SDK1: variants seen among roughly 807,000 people sequenced by gnomAD.
SDK1 encodes protein sidekick-1.
A neutral mutation model predicts 245.5 loss-of-function variants in SDK1; 157 were observed. The ratio of observed to expected loss-of-function variants is 0.64; its 90% CI spans 0.56 to 0.73. The LOEUF (loss-of-function observed/expected upper bound fraction) is 0.73. Ranked by LOEUF, SDK1 falls within the 30% of genes least tolerant of loss-of-function variation. The pLI, the probability that SDK1 is intolerant of heterozygous loss-of-function variation, is 0.00. For synonymous variants in SDK1, 1,647 were observed against 1,278.5 expected (o/e 1.29, Z -6.15); for missense variants, 3,583 against 3,002.3 (o/e 1.19, Z -4.52).
At position 3,606,355 on chromosome 7, in the gene SDK1, G is replaced by A. The variant is rs78717333; in HGVS notation, c.299-12725G>A. Among the ~76,000 whole-genome samples the A allele has an allele frequency of 2.2e-3, 338 of 152,274 alleles. 7 individuals carry two copies. The East Asian group carries it at 0.054, about 24-fold the overall frequency. On this transcript the variant is annotated intron_variant, in intron 1 of 44. Transcript: ENST00000404826. Reference sequence around the variant, plus strand: ...AAGATGGCCTCCTGAGTGGTCTCCCGGCTTCAGCACTTGTAGCCCAGTTGC... The same window carrying A: ...AAGATGGCCTCCTGAGTGGTCTCCCAGCTTCAGCACTTGTAGCCCAGTTGC...
chr7:3,990,036 G>C (rs1784177146), intron 14 of SDK1, among the ~76,000 whole-genome samples: 1 of 152,252 alleles, frequency 6.6e-6, no homozygotes, highest in African/African-American at 2.4e-5. Context: ...GAAGCAGAGT[G>C]TGCTGTCCTG....
chr7:3,544,867 G>C (rs902000415), intron 1 of SDK1, among the ~76,000 whole-genome samples: 1 of 152,196 alleles, frequency 6.6e-6, no homozygotes, highest in African/African-American at 2.4e-5. Flanking sequence ...CAGGGACTCA[G>C]GCTGATGGAG....
chr7:4,029,207 ATTCT>A (rs1357035260), intron 17 of SDK1, among the ~76,000 whole-genome samples: 6 of 104,590 alleles, frequency 5.7e-5, no homozygotes, highest in Admixed American at 4.2e-4. Flanking sequence ...TCTTTCTTTT[ATTCT>A]TTCTTTTTTT....
intron 1 of SDK1, among the ~76,000 whole-genome samples, chr7:3,558,434 C>T (rs1015548595): frequency 6.6e-6 from 1 of 152,234 alleles, no homozygotes; most frequent in South Asian, 2.1e-4. Flanking sequence ...AAGGAAATAA[C>T]TTCTGTATTC....
chr7:3,666,722 A>T (rs996468929), intron 4 of SDK1, among the ~76,000 whole-genome samples: 1 of 152,188 alleles, frequency 6.6e-6, no homozygotes, highest in Non-Finnish European at 1.5e-5. Context: ...TTTTCTTTTC[A>T]TAATTACCTG....
At chr7:4,081,242 T>C (rs1781038047) in intron 22 of SDK1, among the ~76,000 whole-genome samples, 1 of 152,098 alleles carries the variant, frequency 6.6e-6, no homozygotes, top group South Asian at 2.1e-4. Flanking sequence ...TGGATGACGC[T>C]CCTTTGGCCC....
At chr7:3,434,898 G>A (rs916678657) in intron 1 of SDK1, among the ~76,000 whole-genome samples, 3 of 152,140 alleles carry the variant, frequency 2.0e-5, no homozygotes, top group Non-Finnish European at 4.4e-5. Context: ...CCATTTCATC[G>A]CAGTGTTTAT....
At chr7:3,414,080 G>A (rs1016732618) in intron 1 of SDK1, among the ~76,000 whole-genome samples, 1 of 152,194 alleles carries the variant, frequency 6.6e-6, no homozygotes, top group Admixed American at 6.5e-5. Context: ...GGCAGCAGCA[G>A]AGATAGCTAT....
chr7:4,159,927 G>A (rs1781007647), intron 31 of SDK1, among the ~76,000 whole-genome samples: 1 of 152,188 alleles, frequency 6.6e-6, no homozygotes, highest in Admixed American at 6.5e-5. Context: ...GGACTGATGA[G>A]TAACCTAGAA....
chr7:3,610,431 C>G (rs1222038124), intron 1 of SDK1, among the ~76,000 whole-genome samples: 2 of 152,160 alleles, frequency 1.3e-5, no homozygotes, highest in African/African-American at 4.8e-5. Flanking sequence ...GTTGGTCATA[C>G]TTTTTCACTA....
intron 32 of SDK1, among the ~76,000 whole-genome samples, chr7:4,172,925 T>C (rs1781941169): frequency 6.6e-6 from 1 of 152,226 alleles, no homozygotes; most frequent in African/African-American, 2.4e-5. Context: ...TATGACCTTG[T>C]CAAAACCAAT....
At chr7:4,187,260 T>C (rs1264495888) in intron 35 of SDK1, among the ~76,000 whole-genome samples, 2 of 152,182 alleles carry the variant, frequency 1.3e-5, no homozygotes, top group Non-Finnish European at 2.9e-5. Context: ...ATTATTACCA[T>C]TATTTTCCAT....
intron 7 of SDK1, among the ~76,000 whole-genome samples, chr7:3,952,479 A>G (rs1198607728): frequency 6.6e-6 from 1 of 152,142 alleles, no homozygotes; most frequent in Non-Finnish European, 1.5e-5. Flanking sequence ...GCCACTCGGG[A>G]GGCGGAGGCA....
At chr7:3,506,069 C>T (rs1782382183) in intron 1 of SDK1, among the ~76,000 whole-genome samples, 1 of 152,030 alleles carries the variant, frequency 6.6e-6, no homozygotes, top group African/African-American at 2.4e-5. Context: ...TACCATTCAT[C>T]ATATTCTTTA....
chr7:3,841,427 C>T (rs1202299501), intron 5 of SDK1, among the ~76,000 whole-genome samples: 1 of 152,192 alleles, frequency 6.6e-6, no homozygotes, highest in African/African-American at 2.4e-5. Context: ...ATTTGCTTGG[C>T]AGCACAGAAC....
intron 1 of SDK1, among the ~76,000 whole-genome samples, chr7:3,435,008 C>T (rs1054612388): frequency 1.1e-4 from 17 of 152,074 alleles, no homozygotes; most frequent in Admixed American, 5.2e-4. Flanking sequence ...GTCAAATCTC[C>T]GTCTGGATCC....
At chr7:3,606,445 C>G (rs1023153101) in intron 1 of SDK1, among the ~76,000 whole-genome samples, 1 of 152,148 alleles carries the variant, frequency 6.6e-6, no homozygotes, top group African/African-American at 2.4e-5. Flanking sequence ...TAAAATTTCC[C>G]CATTGGCTTC....
chr7:3,908,276 C>T (rs551125737), intron 5 of SDK1, among the ~76,000 whole-genome samples: 2 of 152,278 alleles, frequency 1.3e-5, no homozygotes, highest in South Asian at 2.1e-4. Flanking sequence ...GAAGTTCTGT[C>T]ATGGGATGGA....
intron 26 of SDK1, chr7:4,129,574 G>A (rs1232756112): frequency 1.2e-6 from 1 of 857,788 alleles, no homozygotes; most frequent in African/African-American, 1.8e-5. Flanking sequence ...GAAGCAGAGT[G>A]TTGTCTGTGT....
Sources: gnomAD v4.1 joint callset for allele counts (sites outside exome capture counted in the v4.1 genomes callset) on GRCh38, gnomAD v4.1.1 for gene constraint, MANE v1.5 for transcripts, NCBI Gene and HGNC (gene_info 2026-07-23, HGNC 2026-07-21) for gene names.